Variants in GPRIN3 observed in about 807,000 individuals in gnomAD.
The protein encoded by GPRIN3 is GPRIN family member 3, also known as G protein-regulated inducer of neurite outgrowth 3.
A neutral mutation model predicts 13.7 loss-of-function variants in GPRIN3; 12 were observed. The observed-to-expected ratio is 0.87, with a 90% CI of 0.56 to 1.42. The LOEUF is 1.42. Among genes scored for constraint, GPRIN3 ranks in the 40% most tolerant of loss-of-function variants. The pLI is 0.00. For missense variants in GPRIN3, 1,009 were observed against 958.7 expected, an observed-to-expected ratio of 1.05 and a Z score of -0.69; for synonymous variants, 377 against 372.7, an observed-to-expected ratio of 1.01 and a Z score of -0.13.
intron 1 of GPRIN3, among the ~76,000 whole-genome samples, chr4:89,291,046 G>C (rs1724557498): frequency 6.6e-6 from 1 of 152,156 alleles, no homozygotes; most frequent in Admixed American, 6.5e-5. Flanking sequence ...ATATCAGAGT[G>C]CAAATCTGTT....
rs1455808367 is a variant in GPRIN3, at chr4:89,236,400, T to C, written c.*11380A>G. 6.6e-6 allele frequency: 1 copy of C among 151,980 alleles called. No homozygotes were observed. The highest frequency in any genetic ancestry group is 1.5e-5 in the Non-Finnish European group (1 of 67,978). The allele number at this position is 151,980 out of a possible 1,614,324, so 9.4% of individuals were successfully genotyped here. ...CAAAATTCTTATTATTTATCCAGATTTATCAAAAGTTTATTAAATAGAATA... is the reference window on the plus strand; with the variant it reads ...CAAAATTCTTATTATTTATCCAGATCTATCAAAAGTTTATTAAATAGAATA... On this transcript the variant is annotated 3_prime_UTR_variant, in exon 2 of 2. Transcript: ENST00000609438.
intron 1 of GPRIN3, among the ~76,000 whole-genome samples, chr4:89,263,038 C>T (rs1420246891): frequency 6.6e-6 from 1 of 152,120 alleles, no homozygotes. Flanking sequence ...ATTTAGAAAA[C>T]ATATTTTAAT....
chr4:89,282,883 G>C (rs1030654926), intron 1 of GPRIN3, among the ~76,000 whole-genome samples: 6 of 152,086 alleles, frequency 3.9e-5, no homozygotes, highest in African/African-American at 1.4e-4. Flanking sequence ...GTGGAAATCT[G>C]CCTAATAAAG....
At chr4:89,256,907 T>G (rs1486641317) in intron 1 of GPRIN3, among the ~76,000 whole-genome samples, 2 of 152,220 alleles carry the variant, frequency 1.3e-5, no homozygotes, top group Admixed American at 1.3e-4. Context: ...TGGGAACTTT[T>G]GCCTGGATCA....
rs1202356508 is a variant in GPRIN3 at position 89,270,588 on chromosome 4, TATATATATATATAA to T, written c.-123-20369_-123-20356del. Among the ~76,000 whole-genome samples, 397 of 129,598 alleles carry T rather than the reference TATATATATATATAA, an allele frequency of 3.1e-3. 5 individuals carry two copies. Among genetic ancestry groups the T allele is most frequent in the African/African-American group, 0.012 (366 of 31,384 alleles). 85.0% of individuals were successfully genotyped at this position (129,598 alleles called of 152,430 possible). A position where few individuals can be genotyped will look rare whatever the true frequency, so the allele number is the denominator to read the frequency against. On this transcript the variant is annotated intron_variant, in intron 1 of 1. Coordinates refer to ENST00000609438, the MANE Select transcript of GPRIN3 (RefSeq NM_198281.3). ...ATTTATATATATATATATATATATA[TATATATATATATAA>T]AATATAGATATATATGCAGCCTCAA... is the stretch of plus-strand genomic sequence containing the variant.
chr4:89,270,565 TTATATATATATATA>T (rs1199230242), intron 1 of GPRIN3, among the ~76,000 whole-genome samples: 14 of 82,346 alleles, frequency 1.7e-4, no homozygotes, highest in South Asian at 4.4e-4. Context: ...TGTATATAAT[TTATATATATATATA>T]TATATATATA....
chr4:89,263,488 A>C (rs935378830), intron 1 of GPRIN3, among the ~76,000 whole-genome samples: 3 of 152,128 alleles, frequency 2.0e-5, no homozygotes, highest in Non-Finnish European at 4.4e-5. Flanking sequence ...CCTGTGTGAA[A>C]CCTGGGATTC....
chr4:89,295,571 C>A (rs570778541), intron 1 of GPRIN3, among the ~76,000 whole-genome samples: 2 of 151,888 alleles, frequency 1.3e-5, no homozygotes, highest in African/African-American at 4.8e-5. Context: ...AACAAGGGCC[C>A]GTTTGGGTTC....
chr4:89,267,243 C>T (rs1723804857), intron 1 of GPRIN3, among the ~76,000 whole-genome samples: 2 of 152,178 alleles, frequency 1.3e-5, no homozygotes, highest in Admixed American at 6.5e-5. Context: ...GAGTTAACCA[C>T]CGCTAAGAAT....
intron 1 of GPRIN3, among the ~76,000 whole-genome samples, chr4:89,297,747 G>C (rs953077307): frequency 6.6e-5 from 10 of 152,176 alleles, no homozygotes; most frequent in Admixed American, 2.0e-4. Flanking sequence ...ATATTTCACA[G>C]AGCAGCTACA....
intron 1 of GPRIN3, among the ~76,000 whole-genome samples, chr4:89,269,728 A>G (rs1723876885): frequency 6.6e-6 from 1 of 152,222 alleles, no homozygotes; most frequent in Non-Finnish European, 1.5e-5. Flanking sequence ...ATTGTGCAGT[A>G]GGAATTTCCA....
At chr4:89,270,251 T>G (rs771478671) in intron 1 of GPRIN3, among the ~76,000 whole-genome samples, 2 of 152,012 alleles carry the variant, frequency 1.3e-5, no homozygotes, top group Non-Finnish European at 2.9e-5. Flanking sequence ...AGATTAATAT[T>G]GATGACTTGT....
chr4:89,253,907 C>T (rs1253215272), intron 1 of GPRIN3, among the ~76,000 whole-genome samples: 4 of 152,184 alleles, frequency 2.6e-5, no homozygotes, highest in South Asian at 2.1e-4. Context: ...CACTCCTTCC[C>T]TCCCTCACTG....
chr4:89,265,081 C>A (rs1225041722), intron 1 of GPRIN3, among the ~76,000 whole-genome samples: 2 of 152,128 alleles, frequency 1.3e-5, no homozygotes, highest in African/African-American at 4.8e-5. Context: ...TTAGCTTTTA[C>A]TAATTGCACT....
In GPRIN3 at chr4:89,242,151, A is replaced by C. The variant is rs1722961559; in HGVS notation, c.*5629T>G. 6.6e-6 allele frequency: 1 copy of C among 152,180 alleles called. No homozygotes were observed. The highest frequency in any genetic ancestry group is 2.4e-5 in the African/African-American group (1 of 41,438). 9.4% of individuals were successfully genotyped at this position (152,180 alleles called of 1,614,324 possible). ...CTAAAGTGTAAAATATGTGATTTTTATTCCTACTATTTTGCAGCCAATTAA... is the reference window on the plus strand; with the variant it reads ...CTAAAGTGTAAAATATGTGATTTTTCTTCCTACTATTTTGCAGCCAATTAA... On this transcript the variant is annotated 3_prime_UTR_variant, in exon 2 of 2. Transcript: ENST00000609438.
intron 1 of GPRIN3, among the ~76,000 whole-genome samples, chr4:89,267,010 G>T (rs1723800014): frequency 6.6e-6 from 1 of 152,136 alleles, no homozygotes; most frequent in Admixed American, 6.5e-5. Flanking sequence ...AAGAAAATTA[G>T]AAGGAAGTAG....
intron 1 of GPRIN3, among the ~76,000 whole-genome samples, chr4:89,292,847 A>G (rs1297526868): frequency 6.6e-6 from 1 of 152,224 alleles, no homozygotes; most frequent in Non-Finnish European, 1.5e-5. Context: ...AACCTTCTGT[A>G]GCACCTACAG....
intron 1 of GPRIN3, among the ~76,000 whole-genome samples, chr4:89,256,691 T>A (rs1438192928): frequency 2.0e-5 from 3 of 152,162 alleles, no homozygotes; most frequent in Non-Finnish European, 1.5e-5. Flanking sequence ...GCCTCTTTAG[T>A]GATATTAAAT....
rs1319420953 is a variant in GPRIN3, at chr4:89,246,437, G to A, written c.*1343C>T. ...TGCTGCTCATCCAGGCCAGTGCCTT[G>A]GAGGATACTCATGTGTCTCGGGACA... On this transcript the variant is annotated 3_prime_UTR_variant, in exon 2 of 2. Transcript: ENST00000609438. The A allele has an allele frequency of 6.6e-6, 1 of 152,122 alleles. No individual in the cohort carries two copies. Among genetic ancestry groups the A allele is most frequent in the Non-Finnish European group, 1.5e-5 (1 of 68,036 alleles). 9.4% of individuals were successfully genotyped at this position (152,122 alleles called of 1,614,324 possible). A position where few individuals can be genotyped will look rare whatever the true frequency, so the allele number is the denominator to read the frequency against.
Sources: gnomAD v4.1 joint callset for allele counts (sites outside exome capture counted in the v4.1 genomes callset) on GRCh38, gnomAD v4.1.1 for gene constraint, MANE v1.5 for transcripts, NCBI Gene and HGNC (gene_info 2026-07-23, HGNC 2026-07-21) for gene names.